RERE: variants seen among roughly 807,000 people sequenced by gnomAD.
RERE encodes the protein arginine-glutamic acid dipeptide repeats.
A neutral mutation model predicts 146.1 loss-of-function variants in RERE; 40 were observed. The ratio of observed to expected loss-of-function variants is 0.27; its 90% confidence interval spans 0.21 to 0.36. The LOEUF is 0.36. Ranked by LOEUF, RERE falls within the 10% of genes least tolerant of loss-of-function variation. The pLI, the probability that RERE is intolerant of heterozygous loss-of-function variation, is 1.00. For synonymous variants in RERE, 1,003 were observed against 866.0 expected (o/e 1.16, Z -2.78); for missense variants, 1,933 against 2,138.7 (o/e 0.90, Z 1.90).
At chr1:8,572,526 T>C (rs1646233571) in intron 4 of RERE, among the ~76,000 whole-genome samples, 1 of 152,194 alleles carries the variant, frequency 6.6e-6, no homozygotes, top group Non-Finnish European at 1.5e-5. Context: ...TCCTAGAACA[T>C]ACAACAGTTT....
At chr1:8,716,340 A>G (rs992572070) in intron 1 of RERE, among the ~76,000 whole-genome samples, 4 of 150,696 alleles carry the variant, frequency 2.7e-5, no homozygotes, top group Admixed American at 2.7e-4. Flanking sequence ...GCCAAGTGTT[A>G]GGGCACACAC....
chr1:8,623,942 C>T (rs752971927), intron 3 of RERE, among the ~76,000 whole-genome samples: 4 of 152,142 alleles, frequency 2.6e-5, no homozygotes, highest in Non-Finnish European at 5.9e-5. Flanking sequence ...TTCTCTGACC[C>T]GTTTATATTA....
intron 11 of RERE, among the ~76,000 whole-genome samples, chr1:8,451,875 C>T (rs1288268887): frequency 6.6e-6 from 1 of 152,202 alleles, no homozygotes; most frequent in Admixed American, 6.5e-5. Context: ...TACTGCCAGA[C>T]TGGTCTTCAA....
At chr1:8,375,445 G>A (rs1022173919) in intron 12 of RERE, among the ~76,000 whole-genome samples, 3 of 152,270 alleles carry the variant, frequency 2.0e-5, no homozygotes, top group African/African-American at 7.2e-5. Flanking sequence ...TCCACATGCC[G>A]ATGTTTGGAA....
chr1:8,593,367 G>C (rs1646517178), intron 4 of RERE, among the ~76,000 whole-genome samples: 1 of 152,200 alleles, frequency 6.6e-6, no homozygotes, highest in South Asian at 2.1e-4. Context: ...CTGAATCATG[G>C]GGGTGGGTCT....
At chr1:8,692,183 G>A (rs1369447632) in intron 1 of RERE, among the ~76,000 whole-genome samples, 1 of 152,134 alleles carries the variant, frequency 6.6e-6, no homozygotes, top group East Asian at 1.9e-4. Context: ...AAACTGAGGG[G>A]AAATAACACT....
intron 1 of RERE, among the ~76,000 whole-genome samples, chr1:8,726,147 C>CTTTTCTT (rs1639960710): frequency 1.4e-5 from 1 of 69,396 alleles, no homozygotes; most frequent in African/African-American, 6.5e-5. Context: ...TTTTTCTTTT[C>CTTTTCTT]TTTTTTTTTT....
intron 2 of RERE, among the ~76,000 whole-genome samples, chr1:8,632,114 G>A (rs960073885): frequency 1.3e-5 from 2 of 152,190 alleles, no homozygotes; most frequent in African/African-American, 4.8e-5. Flanking sequence ...ACTTAATGAT[G>A]AGAACTGATA....
chr1:8,731,488 A>C (rs542821245), intron 1 of RERE, among the ~76,000 whole-genome samples: 165 of 152,308 alleles, frequency 1.1e-3, no homozygotes, highest in Admixed American at 4.4e-3. Flanking sequence ...TCGGAAGATC[A>C]CAGCCTAAAG....
chr1:8,359,910 T>C lies in RERE; in HGVS notation c.3472A>G (p.Lys1158Glu). The C allele has an allele frequency of 1.9e-6, 3 of 1,613,394 alleles. No individual in the cohort carries two copies. Among genetic ancestry groups the C allele is most frequent in the Middle Eastern group, 1.6e-4 (1 of 6,062 alleles). Reference protein sequence around the residue: ...DLYFMPLAGSKLAKKREEAIE... With the variant: ...DLYFMPLAGSELAKKREEAIE... ...GCCTCCTCCCTCTTCTTGGCCAGCTTGGACCCGGCCAGAGGCATGAAGTAC... is the reference window on the plus strand; with the variant it reads ...GCCTCCTCCCTCTTCTTGGCCAGCTCGGACCCGGCCAGAGGCATGAAGTAC... The change falls in exon 19 of 23, where the codon AAG becomes GAG. Residue 1158 changes from lysine (K) to glutamate (E), a missense_variant. Lys to Glu is a moderately conservative substitution (Grantham distance 56). Coordinates refer to ENST00000400908, the MANE Select transcript of RERE (RefSeq NM_001042681.2).
In RERE at chr1:8,364,874, A is replaced by G; in HGVS notation, c.1448-36T>C. ...CAGGCACATAGTGGGGGTGGGGGAG[A>G]CACCATCATGCTCAGCCAAGGCTGG... is the stretch of plus-strand genomic sequence containing the variant. On this transcript the variant is annotated intron_variant, in intron 13 of 22. Transcript: ENST00000400908. The surrounding 1 kb of genome is among the most constrained non-coding windows in gnomAD (Gnocchi z 5.1). 1.1e-6 allele frequency: 1 copy of G among 918,812 alleles called. No individual in the cohort carries two copies. Among genetic ancestry groups the G allele is most frequent in the Non-Finnish European group, 1.5e-6 (1 of 647,756 alleles). 56.9% of individuals were successfully genotyped at this position (918,812 alleles called of 1,614,324 possible).
At chr1:8,797,071 C>A (rs1010472801) in intron 1 of RERE, among the ~76,000 whole-genome samples, 22 of 146,696 alleles carry the variant, frequency 1.5e-4, no homozygotes, top group Non-Finnish European at 2.9e-4. Flanking sequence ...CTAGTTTCCT[C>A]AAAAAAAAAA....
At chr1:8,658,359 G>T (rs1231434384) in intron 1 of RERE, among the ~76,000 whole-genome samples, 1 of 152,148 alleles carries the variant, frequency 6.6e-6, no homozygotes, top group Non-Finnish European at 1.5e-5. Flanking sequence ...TGCAACTAGG[G>T]TGAGAAAGGA....
At chr1:8,645,829 G>A (rs1647279560) in intron 2 of RERE, among the ~76,000 whole-genome samples, 1 of 152,120 alleles carries the variant, frequency 6.6e-6, no homozygotes. Flanking sequence ...AAGTTTTTAT[G>A]TGCTAAAGAA....
chr1:8,403,825 C>CTTTTTTTTTTTTTTTTTTTTTTTT lies in RERE; in HGVS notation c.1284+18901_1284+18902insAAAAAAAAAAAAAAAAAAAAAAAA, dbSNP rs869295197. 1.3e-4 allele frequency among the ~76,000 whole-genome samples: 9 copies of CTTTTTTTTTTTTTTTTTTTTTTTT among 70,864 alleles called. 3 individuals are homozygous for CTTTTTTTTTTTTTTTTTTTTTTTT. Among genetic ancestry groups the CTTTTTTTTTTTTTTTTTTTTTTTT allele is most frequent in the African/African-American group, 5.3e-4 (9 of 17,000 alleles). The allele number at this position is 70,864 out of a possible 152,430, so 46.5% of individuals were successfully genotyped here. A position where few individuals can be genotyped will look rare whatever the true frequency, so the allele number is the denominator to read the frequency against. On this transcript the variant is annotated intron_variant, in intron 12 of 22. Coordinates refer to ENST00000400908, the MANE Select transcript of RERE (RefSeq NM_001042681.2). ...TCTATTTTTCTTAATAAAATCTTAGCTTTTTTTTTTTTTTTTTTTTTTTGA... is the reference window on the plus strand; with the variant it reads ...TCTATTTTTCTTAATAAAATCTTAGCTTTTTTTTTTTTTTTTTTTTTTTTTTTTTTTTTTTTTTTTTTTTTTTGA...
At chr1:8,398,227 G>A (rs1045614439) in intron 12 of RERE, among the ~76,000 whole-genome samples, 2 of 152,274 alleles carry the variant, frequency 1.3e-5, no homozygotes, top group South Asian at 2.1e-4. Flanking sequence ...AAGCCTGAGT[G>A]TTTGGCAAGG....
intron 1 of RERE, among the ~76,000 whole-genome samples, chr1:8,813,161 T>C (rs768888956): frequency 1.3e-5 from 2 of 152,220 alleles, no homozygotes; most frequent in Non-Finnish European, 2.9e-5. Context: ...CGTAATTAAC[T>C]AGAGCACAGC....
rs769351257 is a variant in RERE, at chr1:8,361,356, G to A, written c.2151C>T (p.Ser717=). The part of the protein sequence containing the change: ...DNRSTSPSIP[S]PQDNESDSDS... ...CCGAGTCACTCTCATTGTCCTGGGGGCTGGGGATGCTCGGGGACGTGCTGC... is the reference window on the plus strand; with the variant it reads ...CCGAGTCACTCTCATTGTCCTGGGGACTGGGGATGCTCGGGGACGTGCTGC... The change falls in exon 18 of 23, where the codon AGC becomes AGT. Residue 717 remains serine (S), a synonymous_variant. Coordinates refer to ENST00000400908, the MANE Select transcript of RERE (RefSeq NM_001042681.2). 1.9e-6 allele frequency: 3 copies of A among 1,613,576 alleles called. No homozygotes were observed. The highest frequency in any genetic ancestry group is 1.3e-5 in the African/African-American group (1 of 74,880).
At chr1:8,474,568 G>C (rs188744359) in intron 10 of RERE, among the ~76,000 whole-genome samples, 60 of 152,242 alleles carry the variant, frequency 3.9e-4, no homozygotes, top group African/African-American at 1.4e-3. Flanking sequence ...TTTTCTGTCT[G>C]CGTGATGTTG....
Sources: gnomAD v4.1 joint callset for allele counts (sites outside exome capture counted in the v4.1 genomes callset) on GRCh38, gnomAD v4.1.1 for gene constraint, Gnocchi (gnomAD v3.1) non-coding constraint, MANE v1.5 for transcripts, NCBI Gene and HGNC (gene_info 2026-07-23, HGNC 2026-07-21) for gene names.